The following WDPCP variants were observed in gnomAD, a reference collection of about 807,000 sequenced individuals.
WDPCP encodes the protein WD repeat-containing and planar cell polarity effector protein fritz homolog.
In WDPCP, 71 loss-of-function variants were observed where a neutral mutation model predicts 93.1. The ratio of observed to expected loss-of-function variants is 0.76; its 90% confidence interval spans 0.63 to 0.93. WDPCP has a LOEUF of 0.93. Among genes scored for constraint, WDPCP ranks in the 40% least tolerant of loss-of-function variants. The pLI is 0.00. For synonymous variants in WDPCP, 315 were observed against 315.0 expected (o/e 1.00, Z 0.00); for missense variants, 844 against 887.4 (o/e 0.95, Z 0.62).
chr2:63,299,027 T>C (rs1166390211), intron 13 of WDPCP, among the ~76,000 whole-genome samples: 1 of 152,226 alleles, frequency 6.6e-6, no homozygotes, highest in African/African-American at 2.4e-5. Context: ...CCTGTTGATT[T>C]CCAGGTGGTG....
intron 12 of WDPCP, among the ~76,000 whole-genome samples, chr2:63,348,158 A>G (rs1463743308): frequency 6.6e-6 from 1 of 152,188 alleles, no homozygotes; most frequent in Non-Finnish European, 1.5e-5. Flanking sequence ...CATTTAATTA[A>G]AGTTTGGTAA....
intron 2 of WDPCP, among the ~76,000 whole-genome samples, chr2:63,708,661 T>C (rs1184144554): frequency 2.0e-5 from 3 of 152,050 alleles, no homozygotes; most frequent in Non-Finnish European, 4.4e-5. Flanking sequence ...CACTCCCCAG[T>C]GAGATGAACC....
At chr2:63,636,044 T>C (rs781383094) in intron 3 of WDPCP, among the ~76,000 whole-genome samples, 11 of 152,190 alleles carry the variant, frequency 7.2e-5, no homozygotes, top group Non-Finnish European at 1.6e-4. Flanking sequence ...ATATCAGTTG[T>C]ATCAGTTTCT....
chr2:63,122,043 C>G lies in WDPCP; in HGVS notation c.2204G>C (p.Gly735Ala), dbSNP rs1396195860. The G allele has an allele frequency of 6.2e-7, 1 of 1,612,044 alleles. No homozygotes were observed. Among genetic ancestry groups the G allele is most frequent in the East Asian group, 2.2e-5 (1 of 44,746 alleles). The part of the protein sequence containing the change: ...EDGREQEIRD[G>A]GSLKMIHFGL... ...AAAGTGAATCATTTTGAGAGAACCA[C>G]CATCTCTGATTTCCTGCAAATAAAC... Residue 735 changes from glycine (G) to alanine (A), a missense_variant, in exon 18 of 18, where the codon GGT (glycine) becomes GCT (alanine). Physicochemically the swap from Gly to Ala is moderately conservative, Grantham distance 60. Transcript: ENST00000272321.
chr2:63,449,655 G>A (rs575587272), intron 6 of WDPCP, among the ~76,000 whole-genome samples: 1 of 152,182 alleles, frequency 6.6e-6, no homozygotes, highest in South Asian at 2.1e-4. Context: ...CACAAACCCC[G>A]ACATTAGCAT....
At chr2:63,274,791 T>G (rs1264102553) in intron 13 of WDPCP, among the ~76,000 whole-genome samples, 2 of 152,130 alleles carry the variant, frequency 1.3e-5, no homozygotes, top group East Asian at 3.8e-4. Flanking sequence ...GAGTTTTTTC[T>G]TCATTAACAA....
intron 14 of WDPCP, among the ~76,000 whole-genome samples, chr2:63,182,728 T>G (rs1674338827): frequency 6.6e-6 from 1 of 151,856 alleles, no homozygotes; most frequent in African/African-American, 2.4e-5. Flanking sequence ...GTACCAGTTC[T>G]TTGTAGATTT....
chr2:63,166,667 A>T (rs893723472), intron 15 of WDPCP, among the ~76,000 whole-genome samples: 21 of 152,146 alleles, frequency 1.4e-4, no homozygotes, highest in African/African-American at 4.3e-4. Context: ...TGTTGGGATT[A>T]CAGGCATTAG....
At chr2:63,175,910 C>T (rs952075465) in intron 14 of WDPCP, among the ~76,000 whole-genome samples, 1 of 152,082 alleles carries the variant, frequency 6.6e-6, no homozygotes, top group South Asian at 2.1e-4. Flanking sequence ...GCAGATATCT[C>T]CGAGACCCTG....
At chr2:63,300,421 T>C (rs1354825748) in intron 13 of WDPCP, among the ~76,000 whole-genome samples, 1 of 152,140 alleles carries the variant, frequency 6.6e-6, no homozygotes, top group Non-Finnish European at 1.5e-5. Flanking sequence ...ATTTTAGACC[T>C]TTCATGGAGG....
At chr2:63,549,330 G>A (rs1391040769) in intron 1 of WDPCP, among the ~76,000 whole-genome samples, 1 of 150,206 alleles carries the variant, frequency 6.7e-6, no homozygotes, top group African/African-American at 2.4e-5. Flanking sequence ...AGCCTCAAAG[G>A]AAATTTGAAG....
At chr2:63,781,835 C>G (rs945671032) in intron 2 of WDPCP, among the ~76,000 whole-genome samples, 16 of 152,068 alleles carry the variant, frequency 1.1e-4, no homozygotes, top group Non-Finnish European at 5.9e-5. Context: ...GTTAAGGAGC[C>G]CAGGACCCAG....
intron 12 of WDPCP, among the ~76,000 whole-genome samples, chr2:63,366,340 T>A (rs1003519429): frequency 2.6e-5 from 4 of 151,908 alleles, no homozygotes; most frequent in Non-Finnish European, 5.9e-5. Context: ...TTAATTGATC[T>A]TGTTAGAAAT....
At chr2:63,814,605 T>C (rs1261616061) in intron 1 of WDPCP, among the ~76,000 whole-genome samples, 1 of 152,254 alleles carries the variant, frequency 6.6e-6, no homozygotes, top group Non-Finnish European at 1.5e-5. Flanking sequence ...GTTGAAAATA[T>C]TCCTGAACTA....
At chr2:63,754,036 A>G (rs932408013) in intron 2 of WDPCP, among the ~76,000 whole-genome samples, 1 of 152,242 alleles carries the variant, frequency 6.6e-6, no homozygotes, top group Non-Finnish European at 1.5e-5. Context: ...ATCTGGTCTT[A>G]GGTAAAGTCT....
At chr2:63,359,918 A>C (rs184842412) in intron 12 of WDPCP, 3 of 152,226 alleles carry the variant, frequency 2.0e-5, no homozygotes, top group Non-Finnish European at 2.9e-5. Context: ...ATCTCTACTA[A>C]AAACAACAAA....
At chr2:63,776,462 C>A (rs1179069119) in intron 2 of WDPCP, among the ~76,000 whole-genome samples, 1 of 151,828 alleles carries the variant, frequency 6.6e-6, no homozygotes, top group Non-Finnish European at 1.5e-5. Context: ...TGGGACCAGC[C>A]TGGGCAACGT....
intron 17 of WDPCP, among the ~76,000 whole-genome samples, chr2:63,124,095 T>G (rs1669731262): frequency 1.4e-5 from 2 of 138,906 alleles, no homozygotes; most frequent in South Asian, 4.4e-4. Flanking sequence ...AGGCATGAAG[T>G]TTTTTTTTTT....
intron 6 of WDPCP, among the ~76,000 whole-genome samples, chr2:63,476,040 T>C (rs1699953970): frequency 6.6e-6 from 1 of 152,138 alleles, no homozygotes; most frequent in African/African-American, 2.4e-5. Context: ...ACTAAATTTT[T>C]TACCTGTCAT....
Sources: gnomAD v4.1 joint callset for allele counts (sites outside exome capture counted in the v4.1 genomes callset) on GRCh38, gnomAD v4.1.1 for gene constraint, MANE v1.5 for transcripts, NCBI Gene and HGNC (gene_info 2026-07-23, HGNC 2026-07-21) for gene names.